NUP107: variants seen among roughly 807,000 people sequenced by gnomAD.
The protein encoded by NUP107 is nuclear pore complex protein Nup107.
Under a neutral mutation model 141.0 loss-of-function variants are expected in NUP107, and 101 were observed. The ratio of observed to expected loss-of-function variants is 0.72; its 90% confidence interval spans 0.61 to 0.84. The LOEUF is 0.84. NUP107 is among the 40% of genes least tolerant of loss of function. The pLI, the probability that NUP107 is intolerant of heterozygous loss-of-function variation, is 0.00. For synonymous variants in NUP107, 319 were observed against 363.9 expected (o/e 0.88, Z 1.41); for missense variants, 941 against 1,102.7 (o/e 0.85, Z 2.08).
intron 26 of NUP107, chr12:68,740,098 G>A (rs1248474593): frequency 6.6e-6 from 1 of 152,176 alleles, no homozygotes; most frequent in East Asian, 1.9e-4. Context: ...CTGATATTAT[G>A]GCAGCAAAAG....
At chr12:68,720,587 G>A (rs1018524674) in intron 14 of NUP107, among the ~76,000 whole-genome samples, 4 of 152,204 alleles carry the variant, frequency 2.6e-5, no homozygotes, top group African/African-American at 9.6e-5. Flanking sequence ...GGTGGACTCA[G>A]TTATGCAGTA....
At chr12:68,687,816 T>TA (rs2135992983) in intron 1 of NUP107, 1 of 226,216 alleles carries the variant, frequency 4.4e-6, no homozygotes, top group African/African-American at 2.3e-5. Flanking sequence ...TGGGTACTGT[T>TA]ATCCTTTTTT....
rs1444963808 is a variant in NUP107, at chr12:68,743,065, G to A, written c.*603G>A. ...ATTACAGATCCCGCTCTTCTAATAG[G>A]GGAAATACCATAAGTACATTTAAAA... On this transcript the variant is annotated 3_prime_UTR_variant, in exon 28 of 28. Coordinates refer to ENST00000229179, the MANE Select transcript of NUP107 (RefSeq NM_020401.4). 6.6e-6 allele frequency: 1 copy of A among 152,262 alleles called. No individual in the cohort carries two copies. Among genetic ancestry groups the A allele is most frequent in the South Asian group, 2.1e-4 (1 of 4,826 alleles). 9.4% of individuals were successfully genotyped at this position (152,262 alleles called of 1,614,324 possible). A position where few individuals can be genotyped will look rare whatever the true frequency, so the allele number is the denominator to read the frequency against.
At chr12:68,715,189 T>C (rs1241774930) in intron 11 of NUP107, among the ~76,000 whole-genome samples, 1 of 152,184 alleles carries the variant, frequency 6.6e-6, no homozygotes, top group Non-Finnish European at 1.5e-5. Flanking sequence ...CTTTGTTACT[T>C]AATTAAATTG....
At chr12:68,720,666 A>G (rs1159252054) in intron 14 of NUP107, among the ~76,000 whole-genome samples, 1 of 152,194 alleles carries the variant, frequency 6.6e-6, no homozygotes, top group Non-Finnish European at 1.5e-5. Context: ...TCCCAAAAGT[A>G]AAATGGGGAA....
At chr12:68,711,459 C>A (rs185785271) in intron 10 of NUP107, among the ~76,000 whole-genome samples, 61 of 151,532 alleles carry the variant, frequency 4.0e-4, no homozygotes, top group African/African-American at 1.4e-3. Context: ...GAGCTTGAAC[C>A]TGGGAGGCAG....
In NUP107 at chr12:68,711,824, A is replaced by G. The variant is rs1592505379; in HGVS notation, c.890+1731A>G. Among the ~76,000 whole-genome samples the G allele has an allele frequency of 3.3e-5, 5 of 152,332 alleles. No individual in the cohort carries two copies. In the South Asian group the frequency reaches 1.0e-3, roughly 32 times the overall value. On this transcript the variant is annotated intron_variant, in intron 10 of 27. Transcript: ENST00000229179. ...GGGCTTTTACAGGCAGACAAATGTA[A>G]CTATTCTGGACTTTATTCTAAATGT...
chr12:68,721,887 TCCGG>T lies in NUP107; in HGVS notation c.1359_1362del (p.Phe453LeufsTer2). 6.2e-7 allele frequency: 1 copy of T among 1,614,100 alleles called. No homozygotes were observed. The highest frequency in any genetic ancestry group is 8.5e-7 in the Non-Finnish European group (1 of 1,179,984). ...TGGGAAGACACAGTTTGGGCCTACT[TCCGG>T]GTGATGGTGGACAGTCTGGTAGAAC... On this transcript the variant is annotated frameshift_variant, in exon 16 of 28. Transcript: ENST00000229179. LOFTEE classifies it high-confidence loss of function.
chr12:68,701,841 C>T (rs989943865), intron 7 of NUP107, among the ~76,000 whole-genome samples: 2 of 152,026 alleles, frequency 1.3e-5, no homozygotes, highest in Non-Finnish European at 2.9e-5. Flanking sequence ...AAAAGAGTCT[C>T]ACTCTGTTGC....
At position 68,733,449 on chromosome 12, in the gene NUP107, C is replaced by T; in HGVS notation, c.2102-3C>T. ...ATTCAAAATTGTGTATCTTTTTTCA[C>T]AGCATCAAAAAAGCACGAAGCTGCA... On this transcript the variant is annotated splice_polypyrimidine_tract_variant and splice_region_variant and intron_variant, in intron 23 of 27. Coordinates refer to ENST00000229179, the MANE Select transcript of NUP107 (RefSeq NM_020401.4). 3.1e-6 allele frequency: 5 copies of T among 1,603,570 alleles called. No homozygotes were observed. Among genetic ancestry groups the T allele is most frequent in the Non-Finnish European group, 4.3e-6 (5 of 1,175,564 alleles).
At chr12:68,712,504 A>G (rs1435432440) in intron 10 of NUP107, among the ~76,000 whole-genome samples, 2 of 151,156 alleles carry the variant, frequency 1.3e-5, no homozygotes, top group Non-Finnish European at 2.9e-5. Flanking sequence ...TAAGTCAATT[A>G]TATATTTTCT....
chr12:68,705,315 G>A (rs1430290813), intron 8 of NUP107, among the ~76,000 whole-genome samples: 2 of 151,848 alleles, frequency 1.3e-5, no homozygotes, highest in African/African-American at 4.8e-5. Flanking sequence ...GACTTTGACT[G>A]TTTTTCCATA....
At chr12:68,687,206 T>A (rs1875538650) in intron 1 of NUP107, 133 bp downstream of exon 1, 1 of 1,302,848 alleles carries the variant, frequency 7.7e-7, no homozygotes, top group Non-Finnish European at 1.1e-6. Context: ...TCCTTCCCCA[T>A]GCCGGGAAAT....
Position 68,722,113 on chromosome 12 carries a change from A to G in NUP107, c.1467A>G (p.Leu489=). 6.2e-7 allele frequency: 1 copy of G among 1,613,680 alleles called. No homozygotes were observed. The highest frequency in any genetic ancestry group is 8.5e-7 in the Non-Finnish European group (1 of 1,179,886). Residue 489 remains leucine, a synonymous_variant, in exon 17 of 28, where the codon TTA becomes TTG. Transcript: ENST00000229179. ...PREYLGANWT[L]EKVFEELQAT... is the part of the protein sequence containing the mutation. ...GTTGTTTCTTTTGAAGCTGGACGTTAGAAAAGGTTTTTGAGGAACTTCAAG... is the reference window on the plus strand; with the variant it reads ...GTTGTTTCTTTTGAAGCTGGACGTTGGAAAAGGTTTTTGAGGAACTTCAAG...
At chr12:68,690,553 A>G in intron 3 of NUP107, 78 bp from the exon 4 acceptor site, 1 of 1,584,466 alleles carries the variant, frequency 6.3e-7, no homozygotes, top group Non-Finnish European at 8.6e-7. Context: ...TTTATTCTTC[A>G]TTGTTTGTTT....
chr12:68,696,881 T>C lies in NUP107; in HGVS notation c.511T>C (p.Phe171Leu). ...TCTGAAGCACTCTTCGAGTACAGTT[T>C]TTGATCTTGTGGAAGAGTATGAAAA... Reference protein sequence around the residue: ...SFLKHSSSTVFDLVEEYENIC... With the variant: ...SFLKHSSSTVLDLVEEYENIC... Residue 171 changes from phenylalanine to leucine, a missense_variant, in exon 6 of 28, where the codon TTT (phenylalanine) becomes CTT (leucine). Coordinates refer to ENST00000229179, the MANE Select transcript of NUP107 (RefSeq NM_020401.4). The C allele has an allele frequency of 6.2e-7, 1 of 1,611,300 alleles. No homozygotes were observed. The highest frequency in any genetic ancestry group is 8.5e-7 in the Non-Finnish European group (1 of 1,178,512).
chr12:68,709,367 G>A (rs756155642), intron 9 of NUP107, 58 bp downstream of exon 9: 4 of 957,374 alleles, frequency 4.2e-6, no homozygotes, highest in Non-Finnish European at 6.5e-6. Context: ...TTAATGACAT[G>A]CAAAGTACTG....
At position 68,733,470 on chromosome 12, in the gene NUP107, C is replaced by G. The variant is rs1206322590; in HGVS notation, c.2120C>G (p.Ala707Gly). 1 of 1,609,948 alleles carries G rather than the reference C, an allele frequency of 6.2e-7. No homozygotes were observed. Among genetic ancestry groups the G allele is most frequent in the South Asian group, 1.1e-5 (1 of 90,236 alleles). The part of the protein sequence containing the change: ...RKFLASKKHE[A>G]AKEVFVKIPQ... ...TTCACAGCATCAAAAAAGCACGAAG[C>G]TGCAAAAGAAGTATTTGTGAAAATT... Residue 707 changes from alanine to glycine, a missense_variant, in exon 24 of 28, where the codon GCT (alanine) becomes GGT (glycine). By Grantham distance (60) the Ala-to-Gly change is moderately conservative. Coordinates refer to ENST00000229179, the MANE Select transcript of NUP107 (RefSeq NM_020401.4).
intron 1 of NUP107, among the ~76,000 whole-genome samples, chr12:68,688,146 A>G (rs562400099): frequency 1.3e-5 from 2 of 152,286 alleles, no homozygotes; most frequent in African/African-American, 4.8e-5. Context: ...ATATCATTTT[A>G]GGAAATTTTT....
Sources: gnomAD v4.1 joint callset for allele counts (sites outside exome capture counted in the v4.1 genomes callset) on GRCh38, gnomAD v4.1.1 for gene constraint, MANE v1.5 for transcripts, NCBI Gene and HGNC (gene_info 2026-07-23, HGNC 2026-07-21) for gene names.